The following DNER variants were observed in gnomAD, a reference collection of about 807,000 sequenced individuals.
DNER encodes delta/notch like EGF repeat containing.
Under a neutral mutation model 78.2 loss-of-function variants are expected in DNER, and 33 were observed. The observed-to-expected ratio is 0.42, with a 90% CI of 0.32 to 0.56. The LOEUF (loss-of-function observed/expected upper bound fraction) is 0.56, where lower values mean the gene tolerates loss of function less well. DNER is among the 20% of genes least tolerant of loss of function. The probability of loss-of-function intolerance (pLI) is 0.11; values close to 1 mark genes in which losing one functional copy is unlikely to be tolerated. For synonymous variants in DNER, 417 were observed against 384.8 expected (o/e 1.08, Z -0.98); for missense variants, 918 against 975.3 (o/e 0.94, Z 0.78).
chr2:229,693,958 T>C (rs1276306228), intron 1 of DNER, among the ~76,000 whole-genome samples: 5 of 152,314 alleles, frequency 3.3e-5, no homozygotes, highest in Admixed American at 3.3e-4. Flanking sequence ...GCCCCTCCTA[T>C]CACAGGCCTG....
chr2:229,501,153 A>G (rs1251547624), intron 6 of DNER, among the ~76,000 whole-genome samples: 1 of 152,032 alleles, frequency 6.6e-6, no homozygotes, highest in Non-Finnish European at 1.5e-5. Flanking sequence ...ACAAGATTGG[A>G]GAGATTTAAA....
At chr2:229,441,442 G>A (rs1014216064) in intron 8 of DNER, among the ~76,000 whole-genome samples, 2 of 152,134 alleles carry the variant, frequency 1.3e-5, no homozygotes, top group Non-Finnish European at 2.9e-5. Context: ...GGGAATCGTG[G>A]AGTGTCTCAA....
intron 1 of DNER, among the ~76,000 whole-genome samples, chr2:229,710,938 A>T (rs1262587975): frequency 6.6e-6 from 1 of 150,914 alleles, no homozygotes; most frequent in East Asian, 1.9e-4. Flanking sequence ...CACCCACTCA[A>T]AATTTGGTTT....
Position 229,651,377 on chromosome 2 carries a change from C to T in DNER, c.277-59489G>A, listed in dbSNP as rs562636574. On this transcript the variant is annotated intron_variant, in intron 1 of 12. Transcript: ENST00000341772. ...TAGACAGGAGGAAAGTCTTCTGAGTCGTCGATGTTTTCCTATGGTTCTCAG... is the reference window on the plus strand; with the variant it reads ...TAGACAGGAGGAAAGTCTTCTGAGTTGTCGATGTTTTCCTATGGTTCTCAG... Among the ~76,000 whole-genome samples, 4 of 152,336 alleles carry T rather than the reference C, an allele frequency of 2.6e-5. No homozygotes were observed. The East Asian group carries it at 7.7e-4, about 29-fold the overall frequency.
chr2:229,561,950 C>G (rs568680627), intron 4 of DNER, among the ~76,000 whole-genome samples: 2 of 152,302 alleles, frequency 1.3e-5, no homozygotes, highest in East Asian at 3.9e-4. Context: ...CGCGCCCTTC[C>G]TATTGGCTAA....
chr2:229,499,040 C>A (rs1406746433), intron 6 of DNER, among the ~76,000 whole-genome samples: 1 of 152,126 alleles, frequency 6.6e-6, no homozygotes, highest in African/African-American at 2.4e-5. Flanking sequence ...ATCAAAACAG[C>A]ATGGTGCTGG....
intron 11 of DNER, among the ~76,000 whole-genome samples, chr2:229,382,225 AC>A (rs779747314): frequency 7.9e-5 from 12 of 152,224 alleles, no homozygotes; most frequent in Admixed American, 3.9e-4. Flanking sequence ...ATCAACATCA[AC>A]AAAAAGGATG....
At chr2:229,595,446 T>C (rs1357185733) in intron 1 of DNER, among the ~76,000 whole-genome samples, 1 of 151,154 alleles carries the variant, frequency 6.6e-6, no homozygotes, top group Non-Finnish European at 1.5e-5. Context: ...CACACCTAGC[T>C]AATTTTTGTA....
chr2:229,389,121 G>C (rs527810010), intron 10 of DNER, among the ~76,000 whole-genome samples: 118 of 152,114 alleles, frequency 7.8e-4, no homozygotes, highest in Non-Finnish European at 1.2e-3. Context: ...AATCTCTTCT[G>C]AGAAATGGTG....
Position 229,367,036 on chromosome 2 carries a change from A to G in DNER, c.1939T>C (p.Cys647Arg), listed in dbSNP as rs1692365536. Residue 647 changes from cysteine to arginine, a missense_variant, in exon 12 of 13, where the codon TGC (cysteine) becomes CGC (arginine). Transcript: ENST00000341772. ...HSLYIIIGALCVAFILMLIIL... is the reference protein window; with the variant it reads ...HSLYIIIGALRVAFILMLIIL... ...ATCAGCATAAGGATGAAGGCCACGC[A>G]GAGGGCTCCAATGATGATGTAGAGG... 6.2e-7 allele frequency: 1 copy of G among 1,614,134 alleles called. No individual in the cohort carries two copies. Among genetic ancestry groups the G allele is most frequent in the Non-Finnish European group, 8.5e-7 (1 of 1,180,010 alleles).
intron 5 of DNER, among the ~76,000 whole-genome samples, chr2:229,517,065 C>T (rs60986772): frequency 1.1e-3 from 155 of 146,424 alleles, no homozygotes; most frequent in African/African-American, 3.8e-3. Flanking sequence ...GAGCCGAGAT[C>T]GCGCCACTGC....
At chr2:229,475,557 C>T (rs1451453042) in intron 7 of DNER, among the ~76,000 whole-genome samples, 1 of 152,238 alleles carries the variant, frequency 6.6e-6, no homozygotes, top group African/African-American at 2.4e-5. Context: ...GAGGGGCCAT[C>T]TCAGCCTTCC....
At chr2:229,703,934 A>T (rs966580138) in intron 1 of DNER, among the ~76,000 whole-genome samples, 3 of 148,180 alleles carry the variant, frequency 2.0e-5, no homozygotes, top group Admixed American at 1.3e-4. Context: ...AAAAAAAAAA[A>T]AGAAAGGGAA....
intron 1 of DNER, 134 bp from the exon 2 acceptor site, chr2:229,592,022 C>T: frequency 8.2e-7 from 1 of 1,217,358 alleles, no homozygotes; most frequent in Non-Finnish European, 1.1e-6. Context: ...TCCTTAACTA[C>T]TTGTGCTGTT....
chr2:229,430,421 G>A (rs975721796), intron 8 of DNER, among the ~76,000 whole-genome samples: 1 of 152,112 alleles, frequency 6.6e-6, no homozygotes, highest in African/African-American at 2.4e-5. Context: ...CAGTGGGCTG[G>A]GAAAGGCAGA....
chr2:229,683,043 A>G (rs1699413978), intron 1 of DNER, among the ~76,000 whole-genome samples: 1 of 152,244 alleles, frequency 6.6e-6, no homozygotes, highest in South Asian at 2.1e-4. Flanking sequence ...TTAACATATT[A>G]ATTATAATTT....
At chr2:229,466,193 C>T (rs531766105) in intron 7 of DNER, among the ~76,000 whole-genome samples, 1 of 152,252 alleles carries the variant, frequency 6.6e-6, no homozygotes, top group South Asian at 2.1e-4. Context: ...CATGTGCAAT[C>T]CACTTAGCCC....
chr2:229,699,026 A>G (rs1213555564), intron 1 of DNER, among the ~76,000 whole-genome samples: 1 of 152,222 alleles, frequency 6.6e-6, no homozygotes, highest in African/African-American at 2.4e-5. Context: ...GGAAATTTGC[A>G]TTTTGCTGAA....
Position 229,554,941 on chromosome 2 carries a change from A to AGAGAAGAGAAGAGAGAAAAGGGAAGGG in DNER, c.848-7850_848-7849insCCCTTCCCTTTTCTCTCTTCTCTTCTC, listed in dbSNP as rs1559165523. Among the ~76,000 whole-genome samples the AGAGAAGAGAAGAGAGAAAAGGGAAGGG allele has an allele frequency of 5.5e-4, 14 of 25,600 alleles. 5 individuals carry two copies. The highest frequency in any genetic ancestry group is 2.8e-3 in the East Asian group (2 of 712). The allele number at this position is 25,600 out of a possible 152,430, so 16.8% of individuals were successfully genotyped here. On this transcript the variant is annotated intron_variant, in intron 4 of 12. Transcript: ENST00000341772. ...AGAAGAGAAGAGAAGAGAAGAGAGA[A>AGAGAAGAGAAGAGAGAAAAGGGAAGGG]AAGGGAAGGGAAGGGAAGGGAAGGG...
Sources: gnomAD v4.1 joint callset for allele counts (sites outside exome capture counted in the v4.1 genomes callset) on GRCh38, gnomAD v4.1.1 for gene constraint, MANE v1.5 for transcripts, NCBI Gene and HGNC (gene_info 2026-07-23, HGNC 2026-07-21) for gene names.